RGPD1: variants seen among roughly 807,000 people sequenced by gnomAD.
The protein encoded by RGPD1 is RANBP2-like and GRIP domain-containing protein 1.
In RGPD1, 7 loss-of-function variants were observed where a neutral mutation model predicts 40.6. That is an observed-to-expected ratio of 0.17 (90% CI 0.10 to 0.32). The LOEUF (loss-of-function observed/expected upper bound fraction) is 0.32, where lower values mean the gene tolerates loss of function less well. Ranked by LOEUF, RGPD1 falls within the 10% of genes least tolerant of loss-of-function variation. The pLI, the probability that RGPD1 is intolerant of heterozygous loss-of-function variation, is 1.00. For missense variants in RGPD1, 50 were observed against 472.5 expected, an observed-to-expected ratio of 0.11 and a Z score of 8.29; for synonymous variants, 24 against 167.0, an observed-to-expected ratio of 0.14 and a Z score of 6.60.
chr2:86,928,747 A>G (rs1558788690), intron 1 of RGPD1, among the ~76,000 whole-genome samples: 1 of 152,214 alleles, frequency 6.6e-6, no homozygotes, highest in African/African-American at 2.4e-5. Flanking sequence ...GGCACCATTC[A>G]TGAGGTATTT....
At chr2:86,925,007 A>G (rs1678372872) in intron 1 of RGPD1, among the ~76,000 whole-genome samples, 1 of 152,022 alleles carries the variant, frequency 6.6e-6, no homozygotes, top group South Asian at 2.1e-4. Context: ...CTGTAGTCCT[A>G]GCTACTTGGA....
At chr2:86,938,634 C>T (rs1679508186), upstream of RGPD1, among the ~76,000 whole-genome samples, 1 of 151,862 alleles carries the variant, frequency 6.6e-6, no homozygotes, top group South Asian at 2.1e-4. Context: ...AAAAAGAATT[C>T]CTTCATTATT....
intron 22 of RGPD1, among the ~76,000 whole-genome samples, chr2:87,006,430 T>TAATTAAA (rs1682043089): frequency 1.7e-5 from 1 of 57,670 alleles, no homozygotes; most frequent in African/African-American, 9.8e-5. Context: ...AAATGTATTG[T>TAATTAAA]GAAAATTAAT....
chr2:86,940,873 T>C (rs1178981623), upstream of RGPD1, among the ~76,000 whole-genome samples: 1 of 151,956 alleles, frequency 6.6e-6, no homozygotes, highest in Non-Finnish European at 1.5e-5. Flanking sequence ...GATTTTCCAC[T>C]CCAAACTAGA....
chr2:86,925,925 T>G (rs1309282665), intron 1 of RGPD1, among the ~76,000 whole-genome samples: 3 of 152,120 alleles, frequency 2.0e-5, no homozygotes, highest in Non-Finnish European at 4.4e-5. Context: ...AATGAATAAT[T>G]AAAAAAATCC....
At chr2:86,944,172 T>G (rs770130149) in intron 1 of RGPD1, among the ~76,000 whole-genome samples, 5 of 152,204 alleles carry the variant, frequency 3.3e-5, no homozygotes, top group Non-Finnish European at 5.9e-5. Flanking sequence ...AGATACTTGT[T>G]CAGGGTGAAA....
intron 1 of RGPD1, among the ~76,000 whole-genome samples, 176 bp downstream of exon 1, chr2:86,942,484 G>A (rs541440876): frequency 1.6e-4 from 20 of 127,644 alleles, no homozygotes; most frequent in Admixed American, 3.0e-4. Flanking sequence ...GACCTGGCCG[G>A]GCGGCGGCGG....
At chr2:86,944,594 G>A (rs1282567363) in intron 1 of RGPD1, among the ~76,000 whole-genome samples, 1 of 151,964 alleles carries the variant, frequency 6.6e-6, no homozygotes, top group Non-Finnish European at 1.5e-5. Context: ...TTTATTTTTG[G>A]TAGAGACTGG....
chr2:86,919,982 A>T (rs1336324206), intron 1 of RGPD1, among the ~76,000 whole-genome samples: 1 of 151,498 alleles, frequency 6.6e-6, no homozygotes, highest in Non-Finnish European at 1.5e-5. Flanking sequence ...TGTTTTTAAG[A>T]GTTTGTGTCT....
At chr2:86,930,452 T>C in intron 1 of RGPD1, 2 of 1,460,906 alleles carry the variant, frequency 1.4e-6, no homozygotes, top group South Asian at 2.4e-5. Flanking sequence ...CCCCATGGCA[T>C]GCCCCATGAT....
At chr2:86,926,845 A>G (rs532804761) in intron 1 of RGPD1, among the ~76,000 whole-genome samples, 141 of 152,006 alleles carry the variant, frequency 9.3e-4, no homozygotes, top group Non-Finnish European at 1.9e-3. Context: ...TTGCAATATT[A>G]TTTTCCTACT....
chr2:86,943,863 A>G (rs1454012160), intron 1 of RGPD1, among the ~76,000 whole-genome samples: 2 of 152,044 alleles, frequency 1.3e-5, no homozygotes, highest in Non-Finnish European at 2.9e-5. Context: ...ATAGAAAAAA[A>G]GTTAGCCGGG....
intron 22 of RGPD1, among the ~76,000 whole-genome samples, chr2:87,006,760 C>A: frequency 1.5e-5 from 1 of 64,854 alleles, no homozygotes; most frequent in Non-Finnish European, 2.7e-5. Context: ...GACTCCGTCT[C>A]AGAAAAAAAA....
rs753911867 is a variant in RGPD1 at position 86,929,689 on chromosome 2, C to CTTTTT, written c.72+15791_72+15795dup. 4.2e-4 allele frequency among the ~76,000 whole-genome samples: 22 copies of CTTTTT among 52,618 alleles called. 6 individuals carry two copies. The highest frequency in any genetic ancestry group is 9.8e-3 in the Middle Eastern group (1 of 102). The allele number at this position is 52,618 out of a possible 152,430, so 34.5% of individuals were successfully genotyped here. ...GTAACCTGACTCCAGAGCCCACACT[C>CTTTTT]TTTTTTTTTTTTTTTTTTTTTTTTT... On this transcript the variant is annotated intron_variant, in intron 1 of 22. Coordinates refer to the RGPD1 transcript ENST00000398193.
chr2:86,930,623 G>A (rs1359003936), intron 1 of RGPD1: 26 of 1,611,530 alleles, frequency 1.6e-5, no homozygotes, highest in Admixed American at 6.7e-5. Context: ...CAGTCTCCCC[G>A]CAGCAGTGAA....
upstream of RGPD1, among the ~76,000 whole-genome samples, chr2:86,940,865 T>A (rs1679686403): frequency 6.6e-6 from 1 of 151,946 alleles, no homozygotes; most frequent in Non-Finnish European, 1.5e-5. Context: ...TAAAATAGGA[T>A]TTTCCACTCC....
intron 4 of RGPD1, among the ~76,000 whole-genome samples, chr2:86,955,996 T>G (rs1680703384): frequency 6.6e-6 from 1 of 151,216 alleles, no homozygotes; most frequent in African/African-American, 2.4e-5. Flanking sequence ...TTGAAGGCAC[T>G]GTTAACACCT....
At chr2:86,933,169 T>G (rs1277735597) in intron 1 of RGPD1, among the ~76,000 whole-genome samples, 1 of 150,220 alleles carries the variant, frequency 6.7e-6, no homozygotes, top group Non-Finnish European at 1.5e-5. Context: ...ATGATTATGT[T>G]GTAAGAACTT....
intron 1 of RGPD1, among the ~76,000 whole-genome samples, chr2:86,914,458 GGCGGCGGCGGCGGCGGCCT>G (rs1306265861): frequency 6.5e-5 from 1 of 15,462 alleles, no homozygotes; most frequent in African/African-American, 6.4e-4. Flanking sequence ...CGGCGGCGGC[GGCGGCGGCGGCGGCGGCCT>G]CGGCCTCGGC....
Sources: gnomAD v4.1 joint callset for allele counts (sites outside exome capture counted in the v4.1 genomes callset) on GRCh38, gnomAD v4.1.1 for gene constraint, MANE v1.5 for transcripts, NCBI Gene and HGNC (gene_info 2026-07-23, HGNC 2026-07-21) for gene names.